The following KIF21A variants were observed in gnomAD, a reference collection of about 807,000 sequenced individuals.
KIF21A encodes the protein kinesin family member 21A.
KIF21A carries 114 observed loss-of-function variants against 202.9 expected under a neutral mutation model. The ratio of observed to expected loss-of-function variants is 0.56; its 90% CI spans 0.48 to 0.66. KIF21A has a LOEUF of 0.66. Ranked by LOEUF, KIF21A falls within the 30% of genes least tolerant of loss-of-function variation. The pLI is 0.00. For synonymous variants in KIF21A, 667 were observed against 670.8 expected (o/e 0.99, Z 0.09); for missense variants, 1,677 against 1,994.9 (o/e 0.84, Z 3.04).
In KIF21A at chr12:39,331,732, G is replaced by A. The variant is rs145404005; in HGVS notation, c.3111C>T (p.Ala1037=). Reference sequence around the variant, plus strand: ...ACAGGAAGTGATCTAGCAGGTATCGGGCTTCTGTAAGGGTGCAGGCATTAA... The same window carrying A: ...ACAGGAAGTGATCTAGCAGGTATCGAGCTTCTGTAAGGGTGCAGGCATTAA... The part of the protein sequence containing the change: ...AVINACTLTE[A]RYLLDHFLSM... Residue 1037 remains alanine, a synonymous_variant, in exon 22 of 38, where the codon GCC becomes GCT. Transcript: ENST00000361418. 3.6e-4 allele frequency: 574 copies of A among 1,613,588 alleles called. 2 individuals carry two copies. The East Asian group carries it at 0.011, about 31-fold the overall frequency.
chr12:39,421,857 A>C (rs943995348), intron 1 of KIF21A, among the ~76,000 whole-genome samples: 8 of 146,874 alleles, frequency 5.4e-5, no homozygotes, highest in African/African-American at 2.0e-4. Context: ...TATAATTTAT[A>C]TATATAAATA....
chr12:39,323,504 A>C (rs1017851091), intron 26 of KIF21A, among the ~76,000 whole-genome samples: 8 of 152,224 alleles, frequency 5.3e-5, no homozygotes, highest in Admixed American at 3.3e-4. Context: ...TGCCCACTGG[A>C]CAACACCAGC....
At chr12:39,422,538 A>C in intron 1 of KIF21A, among the ~76,000 whole-genome samples, 1 of 152,192 alleles carries the variant, frequency 6.6e-6, no homozygotes, top group East Asian at 1.9e-4. Context: ...CTGCTATGAA[A>C]ATATAAATCA....
At chr12:39,340,075 T>C in intron 16 of KIF21A, 90 bp downstream of exon 16, 2 of 1,015,942 alleles carry the variant, frequency 2.0e-6, no homozygotes, top group South Asian at 2.9e-5. Context: ...TTATCGAATA[T>C]GGAAAGAACC....
chr12:39,302,805 T>C (rs1202107325), intron 36 of KIF21A, among the ~76,000 whole-genome samples, 160 bp downstream of exon 36: 2 of 152,166 alleles, frequency 1.3e-5, no homozygotes, highest in African/African-American at 2.4e-5. Flanking sequence ...CTTCTCCCAG[T>C]GAAGAACTCT....
Position 39,351,777 on chromosome 12 carries a change from C to CT in KIF21A, c.1672dup (p.Arg558LysfsTer6). The CT allele has an allele frequency of 2.0e-6, 3 of 1,531,628 alleles. No homozygotes were observed. Among genetic ancestry groups the CT allele is most frequent in the Non-Finnish European group, 2.7e-6 (3 of 1,107,782 alleles). 94.9% of individuals were successfully genotyped at this position (1,531,628 alleles called of 1,614,324 possible). On this transcript the variant is annotated frameshift_variant and splice_region_variant, in exon 11 of 38. Transcript: ENST00000361418. LOFTEE classifies it high-confidence loss of function. ...TTTAGTGGTGATTTTATAATCCCAC[C>CT]TTTTTTTCTTCCTCTTTTCTTTTCT...
intron 11 of KIF21A, among the ~76,000 whole-genome samples, chr12:39,347,086 G>A (rs76123734): frequency 2.2e-4 from 34 of 151,788 alleles, no homozygotes; most frequent in African/African-American, 7.7e-4. Flanking sequence ...TACATGAAAT[G>A]GTATTGCAGG....
chr12:39,411,631 G>A (rs531238034), intron 1 of KIF21A, among the ~76,000 whole-genome samples: 1 of 152,038 alleles, frequency 6.6e-6, no homozygotes, highest in African/African-American at 2.4e-5. Flanking sequence ...GGCTCAAGTG[G>A]CCCTCTTGCC....
chr12:39,429,542 T>C (rs1223674864), intron 1 of KIF21A, among the ~76,000 whole-genome samples: 1 of 152,208 alleles, frequency 6.6e-6, no homozygotes, highest in African/African-American at 2.4e-5. Flanking sequence ...AAGAAATAGA[T>C]TTTTGCAAGT....
intron 1 of KIF21A, among the ~76,000 whole-genome samples, chr12:39,388,722 G>T (rs1247621293): frequency 1.3e-5 from 2 of 152,100 alleles, no homozygotes; most frequent in Non-Finnish European, 2.9e-5. Flanking sequence ...TTTTACATTT[G>T]TTGTAAAGAT....
chr12:39,412,314 G>T (rs1953166280), intron 1 of KIF21A, among the ~76,000 whole-genome samples: 1 of 152,182 alleles, frequency 6.6e-6, no homozygotes, highest in Admixed American at 6.5e-5. Context: ...TGATGCAAAA[G>T]ATATTTAAAT....
intron 6 of KIF21A, among the ~76,000 whole-genome samples, 197 bp downstream of exon 6, chr12:39,366,153 T>C (rs956067806): frequency 6.6e-6 from 1 of 152,078 alleles, no homozygotes; most frequent in African/African-American, 2.4e-5. Context: ...ATGAAGAAAA[T>C]CTGTAATATA....
rs1374420922 is a variant in KIF21A at position 39,341,018 on chromosome 12, G to T, written c.1998C>A (p.Asn666Lys). 1 of 1,612,708 alleles carries T rather than the reference G, an allele frequency of 6.2e-7. No homozygotes were observed. Reference protein sequence around the residue: ...IKQKLIDELENSQKRLQTLKK... With the variant: ...IKQKLIDELEKSQKRLQTLKK... Reference sequence around the variant, plus strand: ...TCAGAGTCTGCAGTCTTTTCTGGCTGTTTTCTAGTTCATCAATCAGCTTTT... The same window carrying T: ...TCAGAGTCTGCAGTCTTTTCTGGCTTTTTTCTAGTTCATCAATCAGCTTTT... Residue 666 changes from asparagine (N) to lysine (K), a missense_variant, in exon 15 of 38, where the codon AAC becomes AAA. This residue lies in a region of KIF21A where 966 missense variants were observed against 1,180.9 expected (regional missense o/e 0.82). Coordinates refer to ENST00000361418, the MANE Select transcript of KIF21A (RefSeq NM_001173464.2).
intron 37 of KIF21A, among the ~76,000 whole-genome samples, chr12:39,300,091 C>T (rs1373861545): frequency 6.6e-6 from 1 of 151,912 alleles, no homozygotes; most frequent in Non-Finnish European, 1.5e-5. Context: ...CACATGTACC[C>T]CTGAACCTAA....
chr12:39,431,802 T>C (rs1937952018), intron 1 of KIF21A, among the ~76,000 whole-genome samples: 2 of 152,320 alleles, frequency 1.3e-5, no homozygotes, highest in South Asian at 2.1e-4. Context: ...ATTCCTCTCA[T>C]GTAACAAAAT....
intron 27 of KIF21A, chr12:39,322,141 A>G (rs1945337622): frequency 6.6e-6 from 1 of 152,502 alleles, no homozygotes; most frequent in Non-Finnish European, 1.5e-5. Context: ...TGGGGCATAC[A>G]CTCATCCCAG....
chr12:39,301,446 C>T (rs200468029), intron 37 of KIF21A, 34 bp downstream of exon 37: 3 of 1,520,672 alleles, frequency 2.0e-6, no homozygotes, highest in Admixed American at 3.3e-5. Flanking sequence ...ACAGAAGCAA[C>T]CAATATAGAG....
rs369034538 is a variant in KIF21A, at chr12:39,332,261, T to C, written c.3004A>G (p.Ser1002Gly). The C allele has an allele frequency of 1.9e-6, 3 of 1,613,866 alleles. No homozygotes were observed. In the African/African-American group the frequency reaches 4.0e-5, roughly 22 times the overall value. Residue 1002 changes from serine (S) to glycine (G), a missense_variant, in exon 21 of 38, where the codon AGT (serine) becomes GGT (glycine). Physicochemically the swap from Ser to Gly is moderately conservative, Grantham distance 56. Coordinates refer to ENST00000361418, the MANE Select transcript of KIF21A (RefSeq NM_001173464.2). ...ATGTTGGCCTGACAATCAGAAATAC[T>C]GTCATTGATGTAATCGATATTAGCA... ...LTANIDYIND[S>G]ISDCQANIMQ...
intron 12 of KIF21A, 36 bp downstream of exon 12, chr12:39,346,430 C>A: frequency 1.4e-6 from 2 of 1,417,280 alleles, no homozygotes; most frequent in South Asian, 1.6e-5. Flanking sequence ...AGTATTTAAA[C>A]GACATTTTAA....
Sources: allele counts gnomAD v4.1 joint callset (sites outside exome capture counted in the v4.1 genomes callset), GRCh38; gene constraint gnomAD v4.1.1; regional missense constraint gnomAD v4.1.1; transcripts MANE v1.5; gene names NCBI Gene and HGNC (gene_info 2026-07-23, HGNC 2026-07-21).